NCOA3: variants seen among roughly 807,000 people sequenced by gnomAD.
NCOA3 encodes nuclear receptor coactivator 3.
Under a neutral mutation model 158.8 loss-of-function variants are expected in NCOA3, and 51 were observed. The ratio of observed to expected loss-of-function variants is 0.32; its 90% CI spans 0.26 to 0.41. The LOEUF (loss-of-function observed/expected upper bound fraction) is 0.41. NCOA3 is among the 10% of genes least tolerant of loss of function. The pLI, the probability that NCOA3 is intolerant of heterozygous loss-of-function variation, is 1.00. For synonymous variants in NCOA3, 537 were observed against 592.4 expected, an observed-to-expected ratio of 0.91 and a Z score of 1.36; for missense variants, 1,510 against 1,746.6, an observed-to-expected ratio of 0.86 and a Z score of 2.41.
chr20:47,596,951 T>C (rs958551733), intron 2 of NCOA3, among the ~76,000 whole-genome samples: 11 of 152,188 alleles, frequency 7.2e-5, no homozygotes, highest in African/African-American at 2.2e-4. Flanking sequence ...AGCTAAGTTA[T>C]TTCATATCAC....
intron 2 of NCOA3, among the ~76,000 whole-genome samples, chr20:47,613,860 T>C (rs1364097372): frequency 1.3e-5 from 2 of 151,654 alleles, no homozygotes; most frequent in Non-Finnish European, 2.9e-5. Context: ...GCACTGAGAT[T>C]GCGCTACTGC....
intron 1 of NCOA3, among the ~76,000 whole-genome samples, chr20:47,517,451 C>CTTTTTTTTTTTTTTTTTTTTTTTTTTT (rs376699406): frequency 7.7e-6 from 1 of 129,282 alleles, no homozygotes; most frequent in African/African-American, 3.2e-5. Flanking sequence ...TTTTCTTTTT[C>CTTTTTTTTTTTTTTTTTTTTTTTTTTT]TTTTTTTTTT....
At chr20:47,530,461 CTTTTTTTTTT>C (rs11483053) in intron 1 of NCOA3, among the ~76,000 whole-genome samples, 1 of 129,408 alleles carries the variant, frequency 7.7e-6, no homozygotes, top group East Asian at 2.2e-4. Flanking sequence ...AATGATTTAA[CTTTTTTTTTT>C]TTTTTTTTTG....
chr20:47,620,261 C>T (rs2086216817), intron 2 of NCOA3, among the ~76,000 whole-genome samples: 1 of 152,024 alleles, frequency 6.6e-6, no homozygotes, highest in South Asian at 2.1e-4. Flanking sequence ...AGGTGTGCAC[C>T]ATGATGCCTG....
intron 1 of NCOA3, among the ~76,000 whole-genome samples, chr20:47,504,803 CAA>C (rs201464112): frequency 3.3e-5 from 4 of 120,968 alleles, no homozygotes; most frequent in Non-Finnish European, 3.6e-5. Flanking sequence ...GACTCTGTTT[CAA>C]AAAAAAAAAA....
chr20:47,627,873 T>A, intron 7 of NCOA3, 49 bp from the exon 8 acceptor site: 1 of 1,584,542 alleles, frequency 6.3e-7, no homozygotes, highest in Non-Finnish European at 8.7e-7. Context: ...TGAACATATA[T>A]ATCCAAAAGT....
intron 1 of NCOA3, among the ~76,000 whole-genome samples, chr20:47,545,438 A>C (rs1704141624): frequency 6.6e-6 from 1 of 151,982 alleles, no homozygotes; most frequent in Non-Finnish European, 1.5e-5. Context: ...TGGCCTCCCA[A>C]AGTGCTGGGA....
At chr20:47,505,626 T>C (rs2084020109) in intron 1 of NCOA3, among the ~76,000 whole-genome samples, 1 of 152,140 alleles carries the variant, frequency 6.6e-6, no homozygotes, top group African/African-American at 2.4e-5. Flanking sequence ...GTTTTTTGCA[T>C]TACTGAGCGG....
chr20:47,605,419 CAT>C (rs369008602), intron 2 of NCOA3, among the ~76,000 whole-genome samples: 4 of 151,756 alleles, frequency 2.6e-5, no homozygotes, highest in Admixed American at 2.6e-4. Context: ...GTGTATGAGA[CAT>C]ATATATATTA....
At chr20:47,591,836 T>G (rs923788258) in intron 2 of NCOA3, among the ~76,000 whole-genome samples, 10 of 151,998 alleles carry the variant, frequency 6.6e-5, no homozygotes, top group African/African-American at 2.4e-4. Context: ...TCTTTTTACG[T>G]TTGGTTTAAA....
intron 1 of NCOA3, among the ~76,000 whole-genome samples, chr20:47,560,520 G>C (rs2085081788): frequency 6.6e-6 from 1 of 152,316 alleles, no homozygotes; most frequent in Non-Finnish European, 1.5e-5. Flanking sequence ...CACCAGCAAT[G>C]AATTAGAGTT....
At chr20:47,637,611 A>G (rs764024353) in intron 12 of NCOA3, 37 bp from the exon 13 acceptor site, 1 of 1,512,130 alleles carries the variant, frequency 6.6e-7, no homozygotes, top group Middle Eastern at 1.8e-4. Context: ...TGTGTCTGGT[A>G]ATGTATACAG....
In NCOA3 at chr20:47,530,461, CTTTT is replaced by C. The variant is rs11483053; in HGVS notation, c.-99+28458_-99+28461del. ...ATTCAATAAATTTTTAATGATTTAA[CTTTT>C]TTTTTTTTTTTTTTTGAGACAGAGT... On this transcript the variant is annotated intron_variant, in intron 1 of 22. Coordinates refer to ENST00000371998, the MANE Select transcript of NCOA3 (RefSeq NM_181659.3). Among the ~76,000 whole-genome samples the C allele has an allele frequency of 3.2e-4, 41 of 129,360 alleles. No homozygotes were observed. In the East Asian group the frequency reaches 4.4e-3, roughly 14 times the overall value. The allele number at this position is 129,360 out of a possible 152,430, so 84.9% of individuals were successfully genotyped here.
chr20:47,520,332 CCTCT>C (rs1430121102), intron 1 of NCOA3, among the ~76,000 whole-genome samples: 1 of 152,166 alleles, frequency 6.6e-6, no homozygotes, highest in South Asian at 2.1e-4. Context: ...TGTCTCTCTG[CCTCT>C]CTCTCTTTCC....
At chr20:47,578,431 C>T (rs2085404433) in intron 1 of NCOA3, among the ~76,000 whole-genome samples, 1 of 152,168 alleles carries the variant, frequency 6.6e-6, no homozygotes, top group Non-Finnish European at 1.5e-5. Flanking sequence ...GGTGATCTGC[C>T]CACCTCGGCC....
intron 2 of NCOA3, among the ~76,000 whole-genome samples, chr20:47,608,591 A>G (rs2085988875): frequency 6.8e-6 from 1 of 147,554 alleles, no homozygotes; most frequent in Admixed American, 6.9e-5. Context: ...GTGAGCCGTG[A>G]TCACACCATT....
At position 47,613,101 on chromosome 20, in the gene NCOA3, T is replaced by C. The variant is rs182028654; in HGVS notation, c.-19-9128T>C. Among the ~76,000 whole-genome samples, 5 of 152,354 alleles carry C rather than the reference T, an allele frequency of 3.3e-5. No homozygotes were observed. In the East Asian group the frequency reaches 7.7e-4, roughly 23 times the overall value. On this transcript the variant is annotated intron_variant, in intron 2 of 22. Transcript: ENST00000371998. ...ACATTCAGATGCTTTTCTGTTCAAT[T>C]TATATATTAAAAATAGGATGTTTTA...
intron 8 of NCOA3, among the ~76,000 whole-genome samples, chr20:47,632,426 T>C (rs2086435246): frequency 6.6e-6 from 1 of 151,396 alleles, no homozygotes; most frequent in African/African-American, 2.4e-5. Flanking sequence ...CTTGCTCTGT[T>C]GCCTAGGCTG....
chr20:47,635,849 C>T, intron 11 of NCOA3, 42 bp from the exon 12 acceptor site: 1 of 1,548,294 alleles, frequency 6.5e-7, no homozygotes, highest in Non-Finnish European at 8.7e-7. Flanking sequence ...GTTACAGTGT[C>T]TGGTAGTCTA....
Sources: gnomAD v4.1 joint callset for allele counts (sites outside exome capture counted in the v4.1 genomes callset) on GRCh38, gnomAD v4.1.1 for gene constraint, MANE v1.5 for transcripts, NCBI Gene and HGNC (gene_info 2026-07-23, HGNC 2026-07-21) for gene names.